Variants in RIPK2 observed in about 807,000 individuals in gnomAD.
RIPK2 encodes receptor interacting serine/threonine kinase 2.
RIPK2 carries 38 observed loss-of-function variants against 60.9 expected under a neutral mutation model. The ratio of observed to expected loss-of-function variants is 0.62; its 90% CI spans 0.48 to 0.82. RIPK2 has a LOEUF of 0.82. Ranked by LOEUF, RIPK2 falls within the 40% of genes least tolerant of loss-of-function variation. The pLI is 0.00. For missense variants in RIPK2, 518 were observed against 647.0 expected (o/e 0.80, Z 2.16); for synonymous variants, 225 against 223.4 (o/e 1.01, Z -0.06).
chr8:89,757,837 G>A lies in RIPK2; in HGVS notation c.-224G>A. The A allele has an allele frequency of 7.8e-7, 1 of 1,289,456 alleles. No homozygotes were observed. Among genetic ancestry groups the A allele is most frequent in the Non-Finnish European group, 9.8e-7 (1 of 1,017,808 alleles). The allele number at this position is 1,289,456 out of a possible 1,614,324, so 79.9% of individuals were successfully genotyped here. ...AGCTCTTTCGCGGCGCTACGGCGTT[G>A]GCACCAGTCTCTAGAAAAGAAGTCA... is the stretch of plus-strand genomic sequence containing the variant. On this transcript the variant is annotated 5_prime_UTR_variant, in exon 1 of 11. Transcript: ENST00000220751.
chr8:89,763,985 A>G (rs112145289), intron 2 of RIPK2, among the ~76,000 whole-genome samples: 3,151 of 152,138 alleles, frequency 0.021, 121 homozygotes, highest in African/African-American at 0.073. Flanking sequence ...CTGGCACCCA[A>G]ATTTGCAGCT....
chr8:89,782,553 C>G (rs1034329680), intron 7 of RIPK2, among the ~76,000 whole-genome samples: 1 of 151,640 alleles, frequency 6.6e-6, no homozygotes, highest in Admixed American at 6.6e-5. Flanking sequence ...GCCTATAGTC[C>G]CAGTTACTCT....
At chr8:89,759,314 T>A (rs907597430) in intron 1 of RIPK2, 1 of 456,322 alleles carries the variant, frequency 2.2e-6, no homozygotes, top group Non-Finnish European at 4.4e-6. Context: ...GTATTTTACT[T>A]CCTACAGGGA....
chr8:89,759,178 C>T (rs1048748602), intron 1 of RIPK2: 4 of 360,166 alleles, frequency 1.1e-5, no homozygotes, highest in Non-Finnish European at 2.3e-5. Context: ...TTGTAAATGG[C>T]TTTCACTTAT....
At chr8:89,778,677 T>C (rs550561889) in intron 6 of RIPK2, among the ~76,000 whole-genome samples, 14 of 152,356 alleles carry the variant, frequency 9.2e-5, no homozygotes, top group African/African-American at 2.4e-4. Flanking sequence ...TAATACATCA[T>C]CATATGGATG....
In RIPK2 at chr8:89,789,412, A is replaced by T. The variant is rs1212968560; in HGVS notation, c.1215A>T (p.Ala405=). 3.1e-6 allele frequency: 5 copies of T among 1,614,008 alleles called. No individual in the cohort carries two copies. Among genetic ancestry groups the T allele is most frequent in the Non-Finnish European group, 4.2e-6 (5 of 1,179,980 alleles). ...CCATTTCTGGATCTCAAAGGGCTGC[A>T]TTCTGTGATCACAAGACCACTCCAT... ...DSTISGSQRA[A]FCDHKTTPCS... Residue 405 remains alanine, a synonymous_variant, in exon 10 of 11, where the codon GCA becomes GCT. Transcript: ENST00000220751.
At position 89,790,416 on chromosome 8, in the gene RIPK2, A is replaced by ACAT; in HGVS notation, c.1623_*1insCAT. The ACAT allele has an allele frequency of 6.4e-7, 1 of 1,560,928 alleles. No homozygotes were observed. The highest frequency in any genetic ancestry group is 1.2e-5 in the South Asian group (1 of 84,654). On this transcript the variant is annotated 3_prime_UTR_variant, in exon 11 of 11. Transcript: ENST00000220751. ...ATTTACTTCAAAATAAAAGCATGTA[A>ACAT]GTGACTGTTTTTCAAGAAGAAATGT...
chr8:89,781,406 G>A (rs972824253), intron 7 of RIPK2, among the ~76,000 whole-genome samples: 32 of 143,980 alleles, frequency 2.2e-4, no homozygotes, highest in African/African-American at 7.5e-4. Flanking sequence ...TCCCTCTGTC[G>A]CCCAGGCTGG....
At chr8:89,785,201 A>C (rs1431671391) in intron 8 of RIPK2, among the ~76,000 whole-genome samples, 1 of 152,206 alleles carries the variant, frequency 6.6e-6, no homozygotes, top group Non-Finnish European at 1.5e-5. Flanking sequence ...ATGGGTGGAC[A>C]CGATGGCTCA....
In RIPK2 at chr8:89,765,373, G is replaced by A; in HGVS notation, c.360G>A (p.Leu120=). The change falls in exon 3 of 11, where the codon TTG becomes TTA. Residue 120 remains leucine, a synonymous_variant. Coordinates refer to ENST00000220751, the MANE Select transcript of RIPK2 (RefSeq NM_003821.6). The stretch of plus-strand genomic sequence containing the variant: ...AATATCCTGATGTTGCTTGGCCATT[G>A]AGATTTCGCATCCTGCATGAAATTG... ...KTEYPDVAWP[L]RFRILHEIAL... The A allele has an allele frequency of 1.2e-6, 2 of 1,610,050 alleles. No homozygotes were observed. The highest frequency in any genetic ancestry group is 1.1e-5 in the South Asian group (1 of 90,696).
intron 7 of RIPK2, among the ~76,000 whole-genome samples, chr8:89,783,098 G>T (rs1418905479): frequency 6.6e-6 from 1 of 152,188 alleles, no homozygotes; most frequent in African/African-American, 2.4e-5. Flanking sequence ...TCCTTCTGAA[G>T]TTCCTTAGCC....
chr8:89,774,628 C>T (rs1206161808), intron 6 of RIPK2, among the ~76,000 whole-genome samples: 5 of 152,106 alleles, frequency 3.3e-5, no homozygotes, highest in African/African-American at 9.7e-5. Context: ...CAAGTAGAAA[C>T]GGTCATAATT....
In RIPK2 at chr8:89,758,096, C is replaced by T. The variant is rs201625891; in HGVS notation, c.36C>T (p.Thr12=). The part of the protein sequence containing the change: ...NGEAICSALP[T]IPYHKLADLR... Reference sequence around the variant, plus strand: ...AGGCCATCTGCAGCGCCCTGCCCACCATTCCCTACCACAAACTCGCCGACC... The same window carrying T: ...AGGCCATCTGCAGCGCCCTGCCCACTATTCCCTACCACAAACTCGCCGACC... The change falls in exon 1 of 11, where the codon ACC becomes ACT. Residue 12 remains threonine, a synonymous_variant. Coordinates refer to ENST00000220751, the MANE Select transcript of RIPK2 (RefSeq NM_003821.6). 6.2e-7 allele frequency: 1 copy of T among 1,607,730 alleles called. No individual in the cohort carries two copies. Among genetic ancestry groups the T allele is most frequent in the Non-Finnish European group, 8.5e-7 (1 of 1,177,506 alleles).
intron 7 of RIPK2, among the ~76,000 whole-genome samples, chr8:89,783,767 C>T (rs1809538258): frequency 6.6e-6 from 1 of 152,128 alleles, no homozygotes; most frequent in African/African-American, 2.4e-5. Context: ...ATCTCTAGAA[C>T]CATCCTGCAT....
chr8:89,767,110 G>T (rs1470975714), intron 3 of RIPK2, among the ~76,000 whole-genome samples: 2 of 151,540 alleles, frequency 1.3e-5, no homozygotes, highest in Non-Finnish European at 3.0e-5. Context: ...GTTATCTTCT[G>T]TAAGTTTTAT....
At chr8:89,767,985 G>A (rs186530475) in intron 3 of RIPK2, among the ~76,000 whole-genome samples, 194 of 151,726 alleles carry the variant, frequency 1.3e-3, no homozygotes, top group Middle Eastern at 6.8e-3. Context: ...AATGTTGATC[G>A]TCAGAACTGA....
At chr8:89,783,787 T>C (rs1398542609) in intron 7 of RIPK2, among the ~76,000 whole-genome samples, 8 of 152,180 alleles carry the variant, frequency 5.3e-5, no homozygotes, top group Admixed American at 5.2e-4. Flanking sequence ...TGTAGGTAAT[T>C]GTTAGATTTC....
chr8:89,776,750 G>A (rs1586127121), intron 6 of RIPK2, among the ~76,000 whole-genome samples: 2 of 151,918 alleles, frequency 1.3e-5, no homozygotes, highest in African/African-American at 4.8e-5. Context: ...CTGAGAAGTG[G>A]TATTTAGTGT....
intron 7 of RIPK2, among the ~76,000 whole-genome samples, chr8:89,782,997 A>G (rs1156684156): frequency 6.6e-6 from 1 of 152,244 alleles, no homozygotes; most frequent in Non-Finnish European, 1.5e-5. Flanking sequence ...TTAAAGGGTC[A>G]TATAACAATA....
Sources: gnomAD v4.1 joint callset for allele counts (sites outside exome capture counted in the v4.1 genomes callset) on GRCh38, gnomAD v4.1.1 for gene constraint, MANE v1.5 for transcripts, NCBI Gene and HGNC (gene_info 2026-07-23, HGNC 2026-07-21) for gene names.